The following TANGO6 variants were observed in gnomAD, a reference collection of about 807,000 sequenced individuals.
TANGO6 encodes transport and golgi organization 6 homolog, also known as transport and Golgi organization protein 6 homolog.
A neutral mutation model predicts 114.2 loss-of-function variants in TANGO6; 90 were observed. That is an observed-to-expected ratio of 0.79 (90% confidence interval 0.66 to 0.94). The LOEUF (loss-of-function observed/expected upper bound fraction) is 0.94. Ranked by LOEUF, TANGO6 falls within the 40% of genes least tolerant of loss-of-function variation. The pLI, the probability that TANGO6 is intolerant of heterozygous loss-of-function variation, is 0.00. For synonymous variants in TANGO6, 477 were observed against 509.8 expected, an observed-to-expected ratio of 0.94 and a Z score of 0.87; for missense variants, 1,274 against 1,315.3, an observed-to-expected ratio of 0.97 and a Z score of 0.49.
At chr16:68,878,894 A>G (rs1962412312) in intron 6 of TANGO6, among the ~76,000 whole-genome samples, 1 of 151,446 alleles carries the variant, frequency 6.6e-6, no homozygotes, top group African/African-American at 2.4e-5. Flanking sequence ...CAACATGGCA[A>G]AACCCCGTCT....
chr16:68,964,971 G>A (rs1010319864), intron 14 of TANGO6, among the ~76,000 whole-genome samples: 37 of 151,882 alleles, frequency 2.4e-4, no homozygotes, highest in African/African-American at 7.0e-4. Flanking sequence ...TTTCTATTAC[G>A]AATAGTGCTA....
At chr16:68,868,458 G>C (rs1405688658) in intron 4 of TANGO6, among the ~76,000 whole-genome samples, 1 of 147,220 alleles carries the variant, frequency 6.8e-6, no homozygotes, top group African/African-American at 2.5e-5. Flanking sequence ...AACTCTTTCA[G>C]TGAGTTTTTT....
intron 7 of TANGO6, among the ~76,000 whole-genome samples, chr16:68,898,548 A>G (rs1451332868): frequency 1.3e-5 from 2 of 151,886 alleles, no homozygotes; most frequent in East Asian, 3.9e-4. Flanking sequence ...CCATGTTGCC[A>G]AGGCTGTTCT....
chr16:68,968,572 T>TTAGC (rs1396999054), intron 14 of TANGO6, among the ~76,000 whole-genome samples: 43 of 150,952 alleles, frequency 2.8e-4, no homozygotes, highest in Middle Eastern at 7.0e-3. Context: ...ACCATGTTGG[T>TTAGC]CAGGCTGGTC....
intron 16 of TANGO6, among the ~76,000 whole-genome samples, chr16:69,025,219 C>T (rs1959480851): frequency 6.6e-6 from 1 of 152,218 alleles, no homozygotes; most frequent in Admixed American, 6.5e-5. Context: ...AGTTCCCAAG[C>T]TCTTATACCG....
At chr16:68,844,960 G>A (rs1368561259) in intron 1 of TANGO6, among the ~76,000 whole-genome samples, 2 of 148,624 alleles carry the variant, frequency 1.3e-5, no homozygotes, top group Admixed American at 6.8e-5. Flanking sequence ...GTCTTCTAAC[G>A]GCAACTCTTT....
intron 15 of TANGO6, among the ~76,000 whole-genome samples, chr16:68,980,371 A>C (rs16958528): frequency 1.0e-5 from 1 of 98,128 alleles, no homozygotes; most frequent in Admixed American, 1.1e-4. Context: ...GTATGAATCT[A>C]TCTGTCTGTC....
In TANGO6 at chr16:69,063,808, CTTATTATTATTATTA is replaced by C. The variant is rs1179628552; in HGVS notation, c.3109-19654_3109-19640del. Among the ~76,000 whole-genome samples the C allele has an allele frequency of 3.4e-3, 433 of 125,566 alleles. 4 individuals are homozygous for C. Among genetic ancestry groups the C allele is most frequent in the African/African-American group, 0.014 (420 of 30,638 alleles). 82.4% of individuals were successfully genotyped at this position (125,566 alleles called of 152,430 possible). On this transcript the variant is annotated intron_variant, in intron 17 of 17. Coordinates refer to ENST00000261778, the MANE Select transcript of TANGO6 (RefSeq NM_024562.2). ...TCTTCTTCTTCTTCTTCTTCTTCTT[CTTATTATTATTATTA>C]TTATTATTATTATTATTATTATATT...
intron 12 of TANGO6, among the ~76,000 whole-genome samples, chr16:68,921,010 G>C (rs888775938): frequency 6.6e-6 from 1 of 150,546 alleles, no homozygotes; most frequent in Non-Finnish European, 1.5e-5. Context: ...GGCTGAGGCA[G>C]GAGAATGGCG....
At chr16:68,943,431 T>G (rs534179475) in intron 14 of TANGO6, among the ~76,000 whole-genome samples, 98 of 151,036 alleles carry the variant, frequency 6.5e-4, no homozygotes, top group Non-Finnish European at 9.0e-4. Flanking sequence ...TGGCGCAGTC[T>G]TGGCTCCCTG....
At chr16:69,053,801 C>T (rs1217656540) in intron 17 of TANGO6, among the ~76,000 whole-genome samples, 5 of 152,026 alleles carry the variant, frequency 3.3e-5, no homozygotes, top group Non-Finnish European at 5.9e-5. Flanking sequence ...CGGTGGCTCA[C>T]GCCTGTAATC....
intron 11 of TANGO6, among the ~76,000 whole-genome samples, chr16:68,910,877 A>G (rs959674477): frequency 1.4e-4 from 22 of 151,968 alleles, no homozygotes; most frequent in African/African-American, 5.3e-4. Context: ...GGGTTTCACC[A>G]TGTTGGCCAG....
At position 68,927,972 on chromosome 16, in the gene TANGO6, G is replaced by C; in HGVS notation, c.2532G>C (p.Leu844Phe). 1.2e-6 allele frequency: 2 copies of C among 1,613,534 alleles called. No individual in the cohort carries two copies. The highest frequency in any genetic ancestry group is 1.7e-6 in the Non-Finnish European group (2 of 1,179,720). The change falls in exon 13 of 18, where the codon TTG becomes TTC. Residue 844 changes from leucine (L) to phenylalanine (F), a missense_variant. Leu to Phe is a conservative substitution (Grantham distance 22). Transcript: ENST00000261778. The part of the protein sequence containing the change: ...VTTEQLQEVL[L>F]SAYDPQIPTR... The stretch of plus-strand genomic sequence containing the variant: ...CAGAACAGCTCCAAGAGGTTCTTTT[G>C]TCAGCTTATGACCCTCAAATTCCAA...
intron 17 of TANGO6, among the ~76,000 whole-genome samples, chr16:69,062,082 C>T (rs1423403398): frequency 6.6e-6 from 1 of 152,156 alleles, no homozygotes; most frequent in Non-Finnish European, 1.5e-5. Context: ...CAGACTCATA[C>T]TTCACATACA....
At chr16:68,968,026 T>C (rs900506079) in intron 14 of TANGO6, among the ~76,000 whole-genome samples, 1 of 152,134 alleles carries the variant, frequency 6.6e-6, no homozygotes, top group Admixed American at 6.6e-5. Context: ...ACAGTTATTT[T>C]ACAAAGTTGA....
intron 15 of TANGO6, among the ~76,000 whole-genome samples, chr16:68,997,307 G>A (rs1233453892): frequency 6.6e-6 from 1 of 152,218 alleles, no homozygotes; most frequent in East Asian, 1.9e-4. Flanking sequence ...CATAGGCAGA[G>A]CAGCAGCACA....
Position 68,974,128 on chromosome 16 carries a change from G to A in TANGO6, c.2802G>A (p.Met934Ile). The A allele has an allele frequency of 6.2e-7, 1 of 1,613,970 alleles. No individual in the cohort carries two copies. The highest frequency in any genetic ancestry group is 8.5e-7 in the Non-Finnish European group (1 of 1,179,888). ...SKDKHTPETR[M>I]KVGEVLMRIV... ...ACAAGCACACACCAGAGACCAGAAT[G>A]AAAGTCGGGGAAGTCCTTATGCGAA... Residue 934 changes from methionine (M) to isoleucine (I), a missense_variant, in exon 15 of 18, where the codon ATG (methionine) becomes ATA (isoleucine). Physicochemically the swap from Met to Ile is conservative, Grantham distance 10. Transcript: ENST00000261778.
At chr16:69,073,541 T>C (rs2152243700) in intron 17 of TANGO6, among the ~76,000 whole-genome samples, 2 of 152,290 alleles carry the variant, frequency 1.3e-5, no homozygotes, top group East Asian at 1.9e-4. Flanking sequence ...GTACTGATTA[T>C]TGAATGAGTG....
At chr16:69,026,218 T>A (rs1959499777) in intron 16 of TANGO6, 1 of 143,972 alleles carries the variant, frequency 6.9e-6, no homozygotes, top group South Asian at 2.1e-4. Context: ...GCCAGGCTGG[T>A]CTAAACTCCT....
Sources: allele counts gnomAD v4.1 joint callset (sites outside exome capture counted in the v4.1 genomes callset), GRCh38; gene constraint gnomAD v4.1.1; transcripts MANE v1.5; gene names NCBI Gene and HGNC (gene_info 2026-07-23, HGNC 2026-07-21).